The following CRTAP variants were observed in gnomAD, a reference collection of about 807,000 sequenced individuals.
CRTAP encodes cartilage associated protein, also known as cartilage-associated protein.
A neutral mutation model predicts 42.7 loss-of-function variants in CRTAP; 33 were observed. The observed-to-expected ratio is 0.77, with a 90% CI of 0.59 to 1.03. CRTAP has a LOEUF of 1.03. Among genes scored for constraint, CRTAP ranks in the 50% least tolerant of loss-of-function variants. The probability of loss-of-function intolerance (pLI) is 0.00; values close to 1 mark genes in which losing one functional copy is unlikely to be tolerated. For synonymous variants in CRTAP, 243 were observed against 217.7 expected, an observed-to-expected ratio of 1.12 and a Z score of -1.02; for missense variants, 613 against 533.9, an observed-to-expected ratio of 1.15 and a Z score of -1.46.
At chr3:33,137,795 C>T (rs1030476670) in intron 6 of CRTAP, among the ~76,000 whole-genome samples, 1 of 152,190 alleles carries the variant, frequency 6.6e-6, no homozygotes, top group Non-Finnish European at 1.5e-5. Flanking sequence ...CAAAGATTTA[C>T]TCCTGATTTT....
intron 3 of CRTAP, among the ~76,000 whole-genome samples, chr3:33,129,298 A>G (rs764396504): frequency 6.6e-6 from 1 of 152,198 alleles, no homozygotes; most frequent in African/African-American, 2.4e-5. Flanking sequence ...ATACTACAGT[A>G]TGAATTTGTA....
At chr3:33,126,731 C>T (rs368885734) in intron 3 of CRTAP, among the ~76,000 whole-genome samples, 35 of 152,238 alleles carry the variant, frequency 2.3e-4, no homozygotes, top group African/African-American at 8.2e-4. Flanking sequence ...ACAACATATG[C>T]CCAAGGTACT....
At chr3:33,123,147 A>T (rs2029937646) in intron 2 of CRTAP, among the ~76,000 whole-genome samples, 1 of 152,172 alleles carries the variant, frequency 6.6e-6, no homozygotes. Flanking sequence ...TGAAGTTTCC[A>T]CTATCTGGCA....
At chr3:33,135,860 A>G (rs1350438202) in intron 6 of CRTAP, among the ~76,000 whole-genome samples, 1 of 152,186 alleles carries the variant, frequency 6.6e-6, no homozygotes, top group African/African-American at 2.4e-5. Context: ...ATATTTTTCT[A>G]AAACAGCTTT....
In CRTAP at chr3:33,142,475, T is replaced by C; in HGVS notation, c.*27T>C. ...CCACAGCAACCAAAGAGACTTCCTC[T>C]TGGCGTTCAGGAAACACAGATTCTT... is the stretch of plus-strand genomic sequence containing the variant. On this transcript the variant is annotated 3_prime_UTR_variant, in exon 7 of 7. Transcript: ENST00000320954. 6.2e-7 allele frequency: 1 copy of C among 1,611,632 alleles called. No homozygotes were observed. The highest frequency in any genetic ancestry group is 8.5e-7 in the Non-Finnish European group (1 of 1,177,744).
chr3:33,122,471 G>A (rs1411053598), intron 2 of CRTAP, among the ~76,000 whole-genome samples: 3 of 152,006 alleles, frequency 2.0e-5, no homozygotes, highest in Non-Finnish European at 4.4e-5. Context: ...CACTTTGGGA[G>A]GCCAAGGTGG....
At chr3:33,125,491 G>T (rs1372988046) in intron 3 of CRTAP, among the ~76,000 whole-genome samples, 12 of 30,132 alleles carry the variant, frequency 4.0e-4, no homozygotes, top group Admixed American at 1.3e-3. Flanking sequence ...TACAAAGTAG[G>T]TTTTTTTTTT....
rs773251338 is a variant in CRTAP, at chr3:33,120,518, G to C, written c.621+25G>C. ...AGTATGTTTGGATTTTTATGTGGCA[G>C]TTAGTGGCAACCTGGACTGTTAAAG... On this transcript the variant is annotated intron_variant, in intron 2 of 6. Coordinates refer to ENST00000320954, the MANE Select transcript of CRTAP (RefSeq NM_006371.5). 16 of 1,583,614 alleles carry C rather than the reference G, an allele frequency of 1.0e-5. No individual in the cohort carries two copies. In the East Asian group the frequency reaches 3.5e-4, roughly 35 times the overall value.
At chr3:33,132,863 A>G (rs2030309720) in intron 5 of CRTAP, among the ~76,000 whole-genome samples, 163 bp downstream of exon 5, 1 of 152,108 alleles carries the variant, frequency 6.6e-6, no homozygotes, top group African/African-American at 2.4e-5. Flanking sequence ...GCGGATCATG[A>G]TGTCAGGAGT....
chr3:33,122,370 G>A (rs1406065682), intron 2 of CRTAP, among the ~76,000 whole-genome samples: 1 of 151,956 alleles, frequency 6.6e-6, no homozygotes, highest in Non-Finnish European at 1.5e-5. Flanking sequence ...TCAGTTCTCA[G>A]CCTGTCTTAT....
chr3:33,142,631 C>T lies in CRTAP; in HGVS notation c.*183C>T. 1.7e-6 allele frequency: 1 copy of T among 599,814 alleles called. No individual in the cohort carries two copies. Among genetic ancestry groups the T allele is most frequent in the Non-Finnish European group, 3.0e-6 (1 of 336,960 alleles). The allele number at this position is 599,814 out of a possible 1,614,324, so 37.2% of individuals were successfully genotyped here. ...GAGCCTGCCTTTCCTATCTTCACACCTGCCACCTCATGTTCACACCTATCT... is the reference window on the plus strand; with the variant it reads ...GAGCCTGCCTTTCCTATCTTCACACTTGCCACCTCATGTTCACACCTATCT... On this transcript the variant is annotated 3_prime_UTR_variant, in exon 7 of 7. Coordinates refer to ENST00000320954, the MANE Select transcript of CRTAP (RefSeq NM_006371.5).
chr3:33,124,399 G>A lies in CRTAP; in HGVS notation c.622-9G>A. ...GAGCGAGCTTCACTGGCTTCTCCAT[G>A]CCTTTCAGAGCCTGTTCATCCGAGC... is the stretch of plus-strand genomic sequence containing the variant. On this transcript the variant is annotated splice_polypyrimidine_tract_variant and intron_variant, in intron 2 of 6. Transcript: ENST00000320954. 2 of 1,613,912 alleles carry A rather than the reference G, an allele frequency of 1.2e-6. No homozygotes were observed. Among genetic ancestry groups the A allele is most frequent in the South Asian group, 2.2e-5 (2 of 91,064 alleles).
intron 1 of CRTAP, among the ~76,000 whole-genome samples, chr3:33,117,056 G>T (rs113207245): frequency 2.6e-3 from 392 of 152,280 alleles, no homozygotes; most frequent in African/African-American, 9.2e-3. Context: ...GCAGTGAGCT[G>T]TGATCTTACC....
intron 6 of CRTAP, among the ~76,000 whole-genome samples, chr3:33,136,076 C>G (rs1038921859): frequency 6.6e-6 from 1 of 152,210 alleles, no homozygotes; most frequent in East Asian, 1.9e-4. Context: ...CCTCCAGCCC[C>G]TGGAAGACTC....
intron 3 of CRTAP, among the ~76,000 whole-genome samples, chr3:33,129,450 T>C (rs1172798535): frequency 2.0e-5 from 3 of 152,114 alleles, no homozygotes; most frequent in African/African-American, 7.2e-5. Context: ...ATAGTGGATG[T>C]TCATCTTTTT....
At chr3:33,129,498 T>C (rs972429750) in intron 3 of CRTAP, among the ~76,000 whole-genome samples, 1 of 151,936 alleles carries the variant, frequency 6.6e-6, no homozygotes, top group Non-Finnish European at 1.5e-5. Flanking sequence ...TTAAAGATTT[T>C]CAGCTCCTTG....
chr3:33,147,573 A>G lies in CRTAP; in HGVS notation c.*5125A>G, dbSNP rs1344564591. 1.3e-5 allele frequency: 2 copies of G among 152,226 alleles called. No individual in the cohort carries two copies. The highest frequency in any genetic ancestry group is 2.9e-5 in the Non-Finnish European group (2 of 68,040). 9.4% of individuals were successfully genotyped at this position (152,226 alleles called of 1,614,324 possible). A position where few individuals can be genotyped will look rare whatever the true frequency, so the allele number is the denominator to read the frequency against. On this transcript the variant is annotated 3_prime_UTR_variant, in exon 7 of 7. Coordinates refer to ENST00000320954, the MANE Select transcript of CRTAP (RefSeq NM_006371.5). Reference sequence around the variant, plus strand: ...AATTTGGCCAACAGATACAAGATAGATTCCAGAGTTTTATCTCCCACTTTA... The same window carrying G: ...AATTTGGCCAACAGATACAAGATAGGTTCCAGAGTTTTATCTCCCACTTTA...
At position 33,147,362 on chromosome 3, in the gene CRTAP, G is replaced by C. The variant is rs931068080; in HGVS notation, c.*4914G>C. 7 of 152,688 alleles carry C rather than the reference G, an allele frequency of 4.6e-5. No homozygotes were observed. Among genetic ancestry groups the C allele is most frequent in the Non-Finnish European group, 1.0e-4 (7 of 68,062 alleles). 9.5% of individuals were successfully genotyped at this position (152,688 alleles called of 1,614,324 possible). ...AAGAGCAGCTATTGTTATCCTTAGA[G>C]TGTTTTCCGTCTAGGGCCGGCTCGT... On this transcript the variant is annotated 3_prime_UTR_variant, in exon 7 of 7. Coordinates refer to ENST00000320954, the MANE Select transcript of CRTAP (RefSeq NM_006371.5).
intron 3 of CRTAP, among the ~76,000 whole-genome samples, chr3:33,126,890 G>A (rs988903934): frequency 6.6e-6 from 1 of 152,186 alleles, no homozygotes; most frequent in African/African-American, 2.4e-5. Flanking sequence ...ACAAATGGTT[G>A]CATTCTTTTG....
Sources: allele counts gnomAD v4.1 joint callset (sites outside exome capture counted in the v4.1 genomes callset), GRCh38; gene constraint gnomAD v4.1.1; transcripts MANE v1.5; gene names NCBI Gene and HGNC (gene_info 2026-07-23, HGNC 2026-07-21).